RCAN2: variants seen among roughly 807,000 people sequenced by gnomAD.
RCAN2 encodes the protein calcipressin-2.
A neutral mutation model predicts 23.6 loss-of-function variants in RCAN2; 9 were observed. The ratio of observed to expected loss-of-function variants is 0.38; its 90% CI spans 0.23 to 0.67. The LOEUF (loss-of-function observed/expected upper bound fraction) is 0.67. Ranked by LOEUF, RCAN2 falls within the 30% of genes least tolerant of loss-of-function variation. The pLI is 0.51. For synonymous variants in RCAN2, 109 were observed against 115.7 expected (o/e 0.94, Z 0.37); for missense variants, 273 against 302.3 (o/e 0.90, Z 0.72).
intron 2 of RCAN2, among the ~76,000 whole-genome samples, chr6:46,268,201 A>T (rs1359647471): frequency 6.6e-6 from 1 of 152,216 alleles, no homozygotes; most frequent in African/African-American, 2.4e-5. Context: ...TCATTAAACA[A>T]TCATGTCTGT....
chr6:46,269,729 G>A (rs1386077956), intron 2 of RCAN2, among the ~76,000 whole-genome samples: 3 of 152,204 alleles, frequency 2.0e-5, no homozygotes, highest in Non-Finnish European at 4.4e-5. Context: ...TCATTTAGGA[G>A]TGCTGTCAGG....
chr6:46,234,021 G>C (rs1448429519), intron 4 of RCAN2, among the ~76,000 whole-genome samples: 1 of 152,132 alleles, frequency 6.6e-6, no homozygotes, highest in Non-Finnish European at 1.5e-5. Context: ...GAGCCACCGT[G>C]CCCGGCCTGA....
At chr6:46,348,550 G>A (rs1474895894) in intron 2 of RCAN2, among the ~76,000 whole-genome samples, 1 of 152,140 alleles carries the variant, frequency 6.6e-6, no homozygotes, top group Non-Finnish European at 1.5e-5. Context: ...TGGTGCTGGA[G>A]CCCTGATCAT....
chr6:46,385,993 A>C (rs182954872), intron 2 of RCAN2, among the ~76,000 whole-genome samples: 1 of 152,268 alleles, frequency 6.6e-6, no homozygotes, highest in East Asian at 1.9e-4. Flanking sequence ...GCCAAAAGCA[A>C]TTGCAACACA....
At chr6:46,358,395 C>A (rs1437337822) in intron 2 of RCAN2, among the ~76,000 whole-genome samples, 1 of 152,108 alleles carries the variant, frequency 6.6e-6, no homozygotes, top group Non-Finnish European at 1.5e-5. Context: ...AGACACCAGG[C>A]CCCCAGATAT....
At chr6:46,431,816 A>G (rs552382722) in intron 2 of RCAN2, among the ~76,000 whole-genome samples, 1 of 152,378 alleles carries the variant, frequency 6.6e-6, no homozygotes, top group South Asian at 2.1e-4. Flanking sequence ...TAACAATCTG[A>G]TTAGGGATTT....
chr6:46,448,837 C>A (rs1255396220), intron 2 of RCAN2, among the ~76,000 whole-genome samples: 1 of 151,646 alleles, frequency 6.6e-6, no homozygotes, highest in Non-Finnish European at 1.5e-5. Context: ...TTCAATATAA[C>A]AAAGGCCATA....
At chr6:46,474,175 G>T (rs1309643420) in intron 1 of RCAN2, among the ~76,000 whole-genome samples, 1 of 152,096 alleles carries the variant, frequency 6.6e-6, no homozygotes, top group Admixed American at 6.6e-5. Context: ...TTGGTGAATA[G>T]GTAGAGAGGA....
intron 2 of RCAN2, among the ~76,000 whole-genome samples, chr6:46,253,983 T>C (rs1582034106): frequency 6.6e-6 from 1 of 152,314 alleles, no homozygotes; most frequent in Non-Finnish European, 1.5e-5. Flanking sequence ...CACTCTATCA[T>C]GTTCACACAA....
chr6:46,440,231 T>C (rs1460396665), intron 2 of RCAN2, among the ~76,000 whole-genome samples: 1 of 152,180 alleles, frequency 6.6e-6, no homozygotes, highest in East Asian at 1.9e-4. Context: ...CATTTAAGAG[T>C]AAAACTTAAA....
intron 2 of RCAN2, among the ~76,000 whole-genome samples, chr6:46,331,590 T>G (rs1754492531): frequency 6.6e-6 from 1 of 152,220 alleles, no homozygotes; most frequent in South Asian, 2.1e-4. Context: ...CAGACTCATC[T>G]TGTTCATTTC....
rs143988064 is a variant in RCAN2, at chr6:46,456,794, C to T, written c.183G>A (p.Ala61=). The change falls in exon 2 of 5, where the codon GCG becomes GCA. Residue 61 remains alanine (A), a synonymous_variant. Transcript: ENST00000371374. ...CAAACACTGACTGGTGAACATTGCA[C>T]GCAAACAACGAGTTGGGGAGGTCAT... ...DFNDLPNSLF[A]CNVHQSVFEG... 69 of 1,550,820 alleles carry T rather than the reference C, an allele frequency of 4.4e-5. No individual in the cohort carries two copies. Among genetic ancestry groups the T allele is most frequent in the South Asian group, 1.1e-4 (9 of 84,054 alleles).
intron 2 of RCAN2, among the ~76,000 whole-genome samples, chr6:46,405,378 C>A (rs1766369815): frequency 6.6e-6 from 1 of 152,160 alleles, no homozygotes; most frequent in Non-Finnish European, 1.5e-5. Context: ...CTTGGGCAGC[C>A]TGCTTTTATT....
At chr6:46,444,955 G>A (rs1227232512) in intron 2 of RCAN2, among the ~76,000 whole-genome samples, 1 of 151,814 alleles carries the variant, frequency 6.6e-6, no homozygotes, top group African/African-American at 2.4e-5. Flanking sequence ...CTAGCAACAG[G>A]GCAGCCCCAG....
At chr6:46,411,846 T>C (rs1218646663) in intron 2 of RCAN2, among the ~76,000 whole-genome samples, 1 of 152,086 alleles carries the variant, frequency 6.6e-6, no homozygotes, top group African/African-American at 2.4e-5. Context: ...GCAAGGAGAA[T>C]GGTTAGAGAT....
chr6:46,258,167 G>T (rs1286687740), intron 2 of RCAN2, among the ~76,000 whole-genome samples: 2 of 152,030 alleles, frequency 1.3e-5, no homozygotes, highest in Non-Finnish European at 2.9e-5. Flanking sequence ...ACTCCTTTAG[G>T]TTTATCACTT....
At chr6:46,451,268 G>A (rs1767874713) in intron 2 of RCAN2, among the ~76,000 whole-genome samples, 1 of 152,038 alleles carries the variant, frequency 6.6e-6, no homozygotes, top group African/African-American at 2.4e-5. Context: ...ATTCTGAATT[G>A]GGGGATTTGG....
rs1049802571 is a variant in RCAN2 at position 46,383,373 on chromosome 6, G to A, written c.225+73379C>T. On this transcript the variant is annotated intron_variant, in intron 2 of 4. Coordinates refer to ENST00000371374, the MANE Select transcript of RCAN2 (RefSeq NM_001251974.2). ...AGCTTAGGCGAAGACTCAGAGGTAG[G>A]TAATTTTTTGCTTCCTTTTTACCCA... Among the ~76,000 whole-genome samples, 5 of 152,066 alleles carry A rather than the reference G, an allele frequency of 3.3e-5. No homozygotes were observed. The East Asian group carries it at 5.8e-4, about 18-fold the overall frequency.
chr6:46,464,254 TAA>T (rs1281305196), intron 1 of RCAN2, among the ~76,000 whole-genome samples: 1 of 152,192 alleles, frequency 6.6e-6, no homozygotes, highest in African/African-American at 2.4e-5. Context: ...AATATGAACC[TAA>T]AGTTTTGCAG....
Sources: gnomAD v4.1 joint callset for allele counts (sites outside exome capture counted in the v4.1 genomes callset) on GRCh38, gnomAD v4.1.1 for gene constraint, MANE v1.5 for transcripts, NCBI Gene and HGNC (gene_info 2026-07-23, HGNC 2026-07-21) for gene names.